BMPR1B: variants seen among roughly 807,000 people sequenced by gnomAD.
BMPR1B encodes the protein bone morphogenetic protein receptor type 1B.
A neutral mutation model predicts 59.1 loss-of-function variants in BMPR1B; 12 were observed. The observed-to-expected ratio is 0.20, with a 90% CI of 0.13 to 0.33. BMPR1B has a LOEUF of 0.33. BMPR1B is among the 10% of genes least tolerant of loss of function. The pLI, the probability that BMPR1B is intolerant of heterozygous loss-of-function variation, is 1.00. For synonymous variants in BMPR1B, 237 were observed against 207.3 expected, an observed-to-expected ratio of 1.14 and a Z score of -1.23; for missense variants, 550 against 610.9, an observed-to-expected ratio of 0.90 and a Z score of 1.05.
rs1440826830 is a variant in BMPR1B, at chr4:95,129,857, C to T, written c.586-5C>T. On this transcript the variant is annotated splice_region_variant and splice_polypyrimidine_tract_variant and intron_variant, in intron 8 of 12. Coordinates refer to ENST00000515059, the MANE Select transcript of BMPR1B (RefSeq NM_001203.3). ...ACACTAACAGTGTGTTTTGGGATTT[C>T]ACAGGTCCAAAGGACTATAGCTAAG... 1 of 1,613,472 alleles carries T rather than the reference C, an allele frequency of 6.2e-7. No homozygotes were observed. The highest frequency in any genetic ancestry group is 1.7e-5 in the Admixed American group (1 of 59,928).
chr4:94,991,026 G>A (rs1435274513), intron 2 of BMPR1B, among the ~76,000 whole-genome samples: 1 of 152,056 alleles, frequency 6.6e-6, no homozygotes, highest in Non-Finnish European at 1.5e-5. Flanking sequence ...TTTAAATTGT[G>A]CATTTCAGTG....
chr4:95,072,339 A>G (rs1365606190), intron 3 of BMPR1B, among the ~76,000 whole-genome samples: 1 of 152,164 alleles, frequency 6.6e-6, no homozygotes, highest in Non-Finnish European at 1.5e-5. Context: ...GTTTGAGCAA[A>G]TATCTGGGCA....
intron 2 of BMPR1B, among the ~76,000 whole-genome samples, chr4:94,895,846 AAC>A (rs1221546921): frequency 1.3e-5 from 2 of 151,990 alleles, no homozygotes; most frequent in Non-Finnish European, 2.9e-5. Context: ...CTGTGATACA[AAC>A]ACACAAGTGA....
chr4:94,819,332 A>T (rs772490193), intron 1 of BMPR1B, among the ~76,000 whole-genome samples: 1 of 152,156 alleles, frequency 6.6e-6, no homozygotes, highest in African/African-American at 2.4e-5. Context: ...GTGGCATCCG[A>T]TTCTCTCAGA....
rs1726899862 is a variant in BMPR1B, at chr4:94,880,095, A to G, written c.-113+4195A>G. Among the ~76,000 whole-genome samples, 4 of 152,164 alleles carry G rather than the reference A, an allele frequency of 2.6e-5. No individual in the cohort carries two copies. The South Asian group carries it at 6.2e-4, about 24-fold the overall frequency. On this transcript the variant is annotated intron_variant, in intron 2 of 12. Coordinates refer to ENST00000515059, the MANE Select transcript of BMPR1B (RefSeq NM_001203.3). The stretch of plus-strand genomic sequence containing the variant: ...TTCATAATTTTTGACTTTTTAAAAA[A>G]CATGCAACATGCTGTTAAGTATATG...
chr4:94,885,825 A>G (rs549961809), intron 2 of BMPR1B, among the ~76,000 whole-genome samples: 1 of 152,304 alleles, frequency 6.6e-6, no homozygotes, highest in African/African-American at 2.4e-5. Context: ...GAAAACATGA[A>G]TCCAGAAAAA....
At chr4:94,936,574 C>T (rs1729308332) in intron 2 of BMPR1B, among the ~76,000 whole-genome samples, 1 of 152,086 alleles carries the variant, frequency 6.6e-6, no homozygotes, top group Non-Finnish European at 1.5e-5. Flanking sequence ...GTTTGAAAGA[C>T]ATTGGGAGAT....
intron 2 of BMPR1B, among the ~76,000 whole-genome samples, chr4:94,989,152 A>G (rs890352288): frequency 6.6e-6 from 1 of 152,092 alleles, no homozygotes; most frequent in Non-Finnish European, 1.5e-5. Context: ...GCACTTTGGG[A>G]GGCTGAGGCT....
intron 1 of BMPR1B, among the ~76,000 whole-genome samples, chr4:94,816,069 A>G (rs1723998451): frequency 6.6e-6 from 1 of 151,948 alleles, no homozygotes; most frequent in South Asian, 2.1e-4. Context: ...TCTTTTACTT[A>G]TATTTTGTTT....
At chr4:94,800,274 A>G (rs1465727364) in intron 1 of BMPR1B, among the ~76,000 whole-genome samples, 1 of 152,200 alleles carries the variant, frequency 6.6e-6, no homozygotes, top group Non-Finnish European at 1.5e-5. Context: ...TTTTGGATTC[A>G]GATGTGAGAT....
chr4:94,804,379 G>T (rs1255987619), intron 1 of BMPR1B, among the ~76,000 whole-genome samples: 1 of 152,080 alleles, frequency 6.6e-6, no homozygotes, highest in Non-Finnish European at 1.5e-5. Context: ...CTGAGAAATT[G>T]TGCGGTAGGA....
rs1726506413 is a variant in BMPR1B at position 95,051,606 on chromosome 4, CAA to C, written c.-17-52801_-17-52800del. 13 of 1,192,986 alleles carry C rather than the reference CAA, an allele frequency of 1.1e-5. No homozygotes were observed. In the South Asian group the frequency reaches 1.7e-4, roughly 15 times the overall value. 73.9% of individuals were successfully genotyped at this position (1,192,986 alleles called of 1,614,324 possible). On this transcript the variant is annotated intron_variant, in intron 3 of 12. Coordinates refer to ENST00000515059, the MANE Select transcript of BMPR1B (RefSeq NM_001203.3). ...CTGGCAGGCTTGCGAGAAGATCTGA[CAA>C]GAGTGGCAGCAGAGGCGTCTCAGTG...
At chr4:95,111,636 C>A (rs1049335384) in intron 4 of BMPR1B, among the ~76,000 whole-genome samples, 1 of 151,944 alleles carries the variant, frequency 6.6e-6, no homozygotes, top group Non-Finnish European at 1.5e-5. Context: ...AAAAGAGTAT[C>A]GCTTGGTCCC....
chr4:95,062,078 T>G (rs1727443667), intron 3 of BMPR1B, among the ~76,000 whole-genome samples: 1 of 152,214 alleles, frequency 6.6e-6, no homozygotes, highest in Admixed American at 6.5e-5. Context: ...CCATGCCTCC[T>G]GTACAGCCTG....
At chr4:94,815,131 C>T (rs1254253272) in intron 1 of BMPR1B, among the ~76,000 whole-genome samples, 1 of 152,146 alleles carries the variant, frequency 6.6e-6, no homozygotes, top group African/African-American at 2.4e-5. Flanking sequence ...TCTCAAACTC[C>T]TAACCTCAGG....
At chr4:95,010,739 A>G (rs1723162831) in intron 3 of BMPR1B, among the ~76,000 whole-genome samples, 1 of 152,174 alleles carries the variant, frequency 6.6e-6, no homozygotes, top group African/African-American at 2.4e-5. Flanking sequence ...TCTTATGATA[A>G]GAAAACCACT....
intron 1 of BMPR1B, among the ~76,000 whole-genome samples, chr4:94,766,568 A>C (rs980239052): frequency 3.3e-5 from 5 of 151,944 alleles, no homozygotes; most frequent in African/African-American, 1.2e-4. Context: ...GTTTTCTAAA[A>C]AGTTACTTAT....
chr4:95,124,308 A>G (rs915213768), intron 7 of BMPR1B, among the ~76,000 whole-genome samples: 1 of 152,110 alleles, frequency 6.6e-6, no homozygotes, highest in African/African-American at 2.4e-5. Context: ...TTATAGATTA[A>G]TCATTAAAAT....
intron 10 of BMPR1B, among the ~76,000 whole-genome samples, chr4:95,139,483 C>A (rs2149313854): frequency 6.6e-6 from 1 of 152,306 alleles, no homozygotes; most frequent in East Asian, 1.9e-4. Flanking sequence ...TTTCTGCTGC[C>A]TTTTGTTCAG....
Sources: gnomAD v4.1 joint callset for allele counts (sites outside exome capture counted in the v4.1 genomes callset) on GRCh38, gnomAD v4.1.1 for gene constraint, MANE v1.5 for transcripts, NCBI Gene and HGNC (gene_info 2026-07-23, HGNC 2026-07-21) for gene names.